Variants in GPC5 observed in about 807,000 individuals in gnomAD.
GPC5 encodes the protein glypican 5.
Under a neutral mutation model 53.9 loss-of-function variants are expected in GPC5, and 47 were observed. The observed-to-expected ratio is 0.87, with a 90% CI of 0.69 to 1.11. The LOEUF is 1.11. Ranked by LOEUF, GPC5 falls within the 50% of genes most tolerant of loss-of-function variation. GPC5 has a pLI of 0.00. For missense variants in GPC5, 748 were observed against 713.1 expected (o/e 1.05, Z -0.56); for synonymous variants, 286 against 263.3 (o/e 1.09, Z -0.84).
At chr13:91,513,789 G>A (rs375172299) in intron 2 of GPC5, among the ~76,000 whole-genome samples, 2 of 152,118 alleles carry the variant, frequency 1.3e-5, no homozygotes, top group African/African-American at 2.4e-5. Flanking sequence ...AGGGTCACTC[G>A]TCTTCCCATT....
At chr13:91,900,716 G>A (rs1045360564) in intron 5 of GPC5, among the ~76,000 whole-genome samples, 4 of 152,012 alleles carry the variant, frequency 2.6e-5, no homozygotes, top group Admixed American at 2.6e-4. Flanking sequence ...GCTAAGCAAT[G>A]TTCTATTTTT....
intron 2 of GPC5, among the ~76,000 whole-genome samples, chr13:91,641,124 G>A (rs1182492997): frequency 2.0e-5 from 3 of 152,098 alleles, no homozygotes; most frequent in African/African-American, 4.8e-5. Context: ...TCAGGAGATC[G>A]AGACCATCCT....
chr13:91,996,968 A>G (rs1246430623), intron 6 of GPC5, among the ~76,000 whole-genome samples: 1 of 152,054 alleles, frequency 6.6e-6, no homozygotes, highest in African/African-American at 2.4e-5. Context: ...ATAATATAAA[A>G]CATTATTGTA....
chr13:92,309,171 A>C (rs1435443402), intron 7 of GPC5, among the ~76,000 whole-genome samples: 1 of 152,136 alleles, frequency 6.6e-6, no homozygotes, highest in Non-Finnish European at 1.5e-5. Flanking sequence ...AGACAATAGG[A>C]AATGGTAATT....
intron 7 of GPC5, among the ~76,000 whole-genome samples, chr13:92,458,277 A>G (rs958017585): frequency 1.0e-4 from 13 of 129,946 alleles, no homozygotes; most frequent in Non-Finnish European, 1.7e-4. Flanking sequence ...ATACTGCTTA[A>G]CACATACTAG....
At chr13:92,166,956 T>TCTCTCTCTCACA (rs1415930136) in intron 7 of GPC5, among the ~76,000 whole-genome samples, 23 of 84,814 alleles carry the variant, frequency 2.7e-4, no homozygotes, top group African/African-American at 1.0e-3. Context: ...TCTCTCTCTC[T>TCTCTCTCTCACA]CACACACACA....
intron 2 of GPC5, among the ~76,000 whole-genome samples, chr13:91,665,839 C>T (rs2035099127): frequency 6.6e-6 from 1 of 152,116 alleles, no homozygotes; most frequent in South Asian, 2.1e-4. Context: ...GTTAGATACC[C>T]ACCCTTGGGC....
chr13:92,365,277 TTTG>T (rs1388446845), intron 7 of GPC5, among the ~76,000 whole-genome samples: 2 of 151,748 alleles, frequency 1.3e-5, no homozygotes, highest in East Asian at 3.9e-4. Flanking sequence ...ATGGTAAGTA[TTTG>T]TGTATCTAAA....
At chr13:91,404,683 A>G (rs1378582895) in intron 1 of GPC5, among the ~76,000 whole-genome samples, 1 of 152,240 alleles carries the variant, frequency 6.6e-6, no homozygotes, top group African/African-American at 2.4e-5. Flanking sequence ...TATGGCTACT[A>G]TGTAAGTTGA....
chr13:91,555,883 G>A (rs550161014), intron 2 of GPC5, among the ~76,000 whole-genome samples: 26 of 151,914 alleles, frequency 1.7e-4, no homozygotes, highest in Admixed American at 1.2e-3. Flanking sequence ...GGGGGAAACC[G>A]CCCCCGTGAT....
intron 7 of GPC5, among the ~76,000 whole-genome samples, chr13:92,682,516 T>C (rs1323462797): frequency 1.3e-5 from 2 of 152,218 alleles, no homozygotes; most frequent in Admixed American, 1.3e-4. Context: ...GATTTTCTTT[T>C]ACTGTTCTTA....
In GPC5 at chr13:91,572,063, A is replaced by ATGTG. The variant is rs1177720739; in HGVS notation, c.326-121121_326-121120insGTGT. 1.9e-3 allele frequency among the ~76,000 whole-genome samples: 243 copies of ATGTG among 129,808 alleles called. 25 individuals carry two copies. The highest frequency in any genetic ancestry group is 9.0e-3 in the African/African-American group (224 of 24,936). The allele number at this position is 129,808 out of a possible 152,430, so 85.2% of individuals were successfully genotyped here. The stretch of plus-strand genomic sequence containing the variant: ...TATATACACACATATGTATATATAC[A>ATGTG]TGTATATACACACATATGTATATGT... On this transcript the variant is annotated intron_variant, in intron 2 of 7. Coordinates refer to ENST00000377067, the MANE Select transcript of GPC5 (RefSeq NM_004466.6).
At chr13:92,143,242 T>C (rs971722533) in intron 6 of GPC5, among the ~76,000 whole-genome samples, 4 of 152,148 alleles carry the variant, frequency 2.6e-5, no homozygotes, top group African/African-American at 9.7e-5. Context: ...TCCAAGCCCT[T>C]TATGATTATA....
rs952624067 is a variant in GPC5, at chr13:92,127,277, GTA to G, written c.1402-17543_1402-17542del. Among the ~76,000 whole-genome samples the G allele has an allele frequency of 6.6e-4, 100 of 151,204 alleles. 1 individual carries two copies. In the Middle Eastern group the frequency reaches 0.031, roughly 47 times the overall value. On this transcript the variant is annotated intron_variant, in intron 6 of 7. Coordinates refer to ENST00000377067, the MANE Select transcript of GPC5 (RefSeq NM_004466.6). ...TTCATAGTGCCTCATATATATATGT[GTA>G]TATATATATGTGTGTATATATGTAT... is the stretch of plus-strand genomic sequence containing the variant.
chr13:91,735,114 T>C (rs1183163066), intron 4 of GPC5, among the ~76,000 whole-genome samples: 1 of 151,348 alleles, frequency 6.6e-6, no homozygotes, highest in Non-Finnish European at 1.5e-5. Context: ...TATAAATTCT[T>C]AACTTTGATA....
intron 7 of GPC5, among the ~76,000 whole-genome samples, chr13:92,495,907 G>A (rs562159548): frequency 6.6e-6 from 1 of 151,994 alleles, no homozygotes; most frequent in African/African-American, 2.4e-5. Context: ...GACATTTAGA[G>A]TTAGAGGAAT....
chr13:92,091,563 G>C (rs1350603139), intron 6 of GPC5, among the ~76,000 whole-genome samples: 2 of 151,830 alleles, frequency 1.3e-5, no homozygotes, highest in Admixed American at 6.6e-5. Context: ...ACCAGTCCCT[G>C]CTGGCTTTGA....
At chr13:91,876,658 A>C (rs1172020944) in intron 5 of GPC5, among the ~76,000 whole-genome samples, 1 of 152,250 alleles carries the variant, frequency 6.6e-6, no homozygotes, top group African/African-American at 2.4e-5. Context: ...TAAGGGAAGC[A>C]GAACATAAAT....
intron 6 of GPC5, among the ~76,000 whole-genome samples, chr13:92,004,116 A>G (rs1437899738): frequency 6.6e-6 from 1 of 152,014 alleles, no homozygotes; most frequent in East Asian, 1.9e-4. Flanking sequence ...TTTTGACTTT[A>G]TTTTCCCAAA....
Sources: allele counts gnomAD v4.1 joint callset (sites outside exome capture counted in the v4.1 genomes callset), GRCh38; gene constraint gnomAD v4.1.1; transcripts MANE v1.5; gene names NCBI Gene and HGNC (gene_info 2026-07-23, HGNC 2026-07-21).